ADAM23: variants seen among roughly 807,000 people sequenced by gnomAD.
ADAM23 encodes ADAM metallopeptidase domain 23, also known as disintegrin and metalloproteinase domain-containing protein 23.
In ADAM23, 33 loss-of-function variants were observed where a neutral mutation model predicts 120.1. That is an observed-to-expected ratio of 0.27 (90% CI 0.21 to 0.37). ADAM23 has a LOEUF of 0.37. ADAM23 is among the 10% of genes least tolerant of loss of function. The pLI is 1.00. For missense variants in ADAM23, 862 were observed against 1,058.2 expected (o/e 0.81, Z 2.57); for synonymous variants, 367 against 375.2 (o/e 0.98, Z 0.25).
chr2:206,580,274 T>C (rs568130805), intron 18 of ADAM23, among the ~76,000 whole-genome samples: 161 of 152,186 alleles, frequency 1.1e-3, no homozygotes, highest in Non-Finnish European at 2.1e-3. Context: ...GTGGTGAGAG[T>C]GGGCATCCTT....
chr2:206,584,739 C>T (rs760994685), intron 18 of ADAM23, among the ~76,000 whole-genome samples: 2 of 152,154 alleles, frequency 1.3e-5, no homozygotes, highest in African/African-American at 4.8e-5. Flanking sequence ...GTGCCCTCCC[C>T]CAAGTTATGG....
At chr2:206,606,314 C>T (rs958331347) in intron 24 of ADAM23, among the ~76,000 whole-genome samples, 1 of 151,944 alleles carries the variant, frequency 6.6e-6, no homozygotes, top group Non-Finnish European at 1.5e-5. Context: ...AGTTATAGGA[C>T]CTTTTAAAGG....
chr2:206,600,814 CAAGAAAT>C lies in ADAM23; in HGVS notation c.2359+4657_2359+4663del, dbSNP rs1559284627. 4.6e-5 allele frequency among the ~76,000 whole-genome samples: 7 copies of C among 152,140 alleles called. No homozygotes were observed. In the South Asian group the frequency reaches 1.5e-3, roughly 32 times the overall value. ...CTTCTCAAACCAAACTATTGAAAGA[CAAGAAAT>C]AAGATCTCAAAGCACAAACCATGTG... is the stretch of plus-strand genomic sequence containing the variant. On this transcript the variant is annotated intron_variant, in intron 24 of 25. Transcript: ENST00000264377.
At chr2:206,470,612 T>C (rs2042463) in intron 2 of ADAM23, among the ~76,000 whole-genome samples, 118,638 of 152,116 alleles carry the variant, frequency 0.78, 46,549 homozygotes, top group Admixed American at 0.83. Flanking sequence ...GCCTCTATGT[T>C]GAGGAACAGG....
intron 1 of ADAM23, among the ~76,000 whole-genome samples, chr2:206,444,575 C>T (rs1381703263): frequency 8.5e-5 from 13 of 152,218 alleles, no homozygotes. Flanking sequence ...TGAAGACATA[C>T]TTCATGCACG....
intron 2 of ADAM23, among the ~76,000 whole-genome samples, chr2:206,446,752 G>A (rs767815323): frequency 1.3e-5 from 2 of 152,026 alleles, no homozygotes; most frequent in Non-Finnish European, 2.9e-5. Context: ...GCTACCCACC[G>A]TGAGATAAAT....
At chr2:206,574,152 G>A (rs941558206) in intron 18 of ADAM23, among the ~76,000 whole-genome samples, 9 of 152,118 alleles carry the variant, frequency 5.9e-5, no homozygotes, top group African/African-American at 2.2e-4. Context: ...AGGCACTTCT[G>A]CAGTGTTAAC....
chr2:206,483,651 G>A (rs959690144), intron 3 of ADAM23, among the ~76,000 whole-genome samples: 1 of 152,156 alleles, frequency 6.6e-6, no homozygotes, highest in Non-Finnish European at 1.5e-5. Flanking sequence ...AAATGGGAAG[G>A]TGTGATTTAC....
chr2:206,480,266 A>G (rs972402678), intron 2 of ADAM23, among the ~76,000 whole-genome samples: 1 of 152,034 alleles, frequency 6.6e-6, no homozygotes, highest in Admixed American at 6.6e-5. Flanking sequence ...AGCATGGGGT[A>G]GTATTGGGGG....
intron 25 of ADAM23, among the ~76,000 whole-genome samples, chr2:206,612,261 G>T (rs2105866419): frequency 6.6e-6 from 1 of 152,266 alleles, no homozygotes; most frequent in East Asian, 1.9e-4. Flanking sequence ...AAGGCTTTTG[G>T]TGCTGAATGA....
At chr2:206,569,748 G>A (rs1024427315) in intron 15 of ADAM23, among the ~76,000 whole-genome samples, 3 of 152,182 alleles carry the variant, frequency 2.0e-5, no homozygotes, top group African/African-American at 7.2e-5. Context: ...TCCACAGGGG[G>A]AGTCCCACCC....
At chr2:206,457,056 A>G (rs558910351) in intron 2 of ADAM23, among the ~76,000 whole-genome samples, 4 of 152,220 alleles carry the variant, frequency 2.6e-5, no homozygotes, top group South Asian at 2.1e-4. Context: ...GAATCAATCA[A>G]TGCTTAAGAG....
At chr2:206,604,919 T>C (rs761662276) in intron 24 of ADAM23, among the ~76,000 whole-genome samples, 5 of 152,250 alleles carry the variant, frequency 3.3e-5, no homozygotes, top group Non-Finnish European at 5.9e-5. Context: ...AGTGTATGTA[T>C]GTCCACACAC....
intron 2 of ADAM23, among the ~76,000 whole-genome samples, chr2:206,470,166 A>G (rs1695624450): frequency 6.6e-6 from 1 of 152,118 alleles, no homozygotes; most frequent in South Asian, 2.1e-4. Flanking sequence ...TTAATGAGTA[A>G]ATGATTTCAT....
intron 3 of ADAM23, among the ~76,000 whole-genome samples, chr2:206,481,695 C>G (rs115387044): frequency 0.014 from 2,172 of 152,250 alleles, 53 homozygotes; most frequent in African/African-American, 0.049. Context: ...CGCATGACTT[C>G]TGTGGGAAGA....
At chr2:206,484,355 T>G (rs1022617668) in intron 3 of ADAM23, among the ~76,000 whole-genome samples, 5 of 152,190 alleles carry the variant, frequency 3.3e-5, no homozygotes, top group Non-Finnish European at 7.3e-5. Context: ...GCAAGAATTT[T>G]TGAGCAACCT....
chr2:206,616,906 G>A (rs781445514), intron 25 of ADAM23, among the ~76,000 whole-genome samples: 11 of 152,082 alleles, frequency 7.2e-5, no homozygotes, highest in Non-Finnish European at 1.6e-4. Flanking sequence ...GACACTGTGA[G>A]CAAAGCATTT....
intron 18 of ADAM23, among the ~76,000 whole-genome samples, chr2:206,575,256 G>C (rs1272634663): frequency 2.0e-5 from 3 of 152,094 alleles, no homozygotes; most frequent in Non-Finnish European, 4.4e-5. Context: ...AATCAGGGCA[G>C]GTAGGGACAT....
chr2:206,480,530 T>G (rs1402239385), intron 2 of ADAM23, among the ~76,000 whole-genome samples: 1 of 152,054 alleles, frequency 6.6e-6, no homozygotes, highest in Non-Finnish European at 1.5e-5. Context: ...TGACAAAACT[T>G]TATTGATTTG....
Sources: allele counts gnomAD v4.1 joint callset (sites outside exome capture counted in the v4.1 genomes callset), GRCh38; gene constraint gnomAD v4.1.1; transcripts MANE v1.5; gene names NCBI Gene and HGNC (gene_info 2026-07-23, HGNC 2026-07-21).